The following SBNO1 variants were observed in gnomAD, a reference collection of about 807,000 sequenced individuals.
SBNO1 encodes protein strawberry notch homolog 1.
SBNO1 carries 23 observed loss-of-function variants against 173.6 expected under a neutral mutation model. That is an observed-to-expected ratio of 0.13 (90% confidence interval 0.10 to 0.19). The LOEUF (loss-of-function observed/expected upper bound fraction) is 0.19. Ranked by LOEUF, SBNO1 falls within the 10% of genes least tolerant of loss-of-function variation. The probability of loss-of-function intolerance (pLI) is 1.00; values close to 1 mark genes in which losing one functional copy is unlikely to be tolerated. For synonymous variants in SBNO1, 632 were observed against 571.5 expected (o/e 1.11, Z -1.51); for missense variants, 1,238 against 1,671.2 (o/e 0.74, Z 4.52).
intron 26 of SBNO1, 26 bp downstream of exon 26, chr12:123,309,684 G>T: frequency 6.2e-7 from 1 of 1,609,918 alleles, no homozygotes; most frequent in Non-Finnish European, 8.5e-7. Flanking sequence ...TGGGGACATT[G>T]TGGGGGGGAA....
chr12:123,311,264 A>G, intron 24 of SBNO1, 135 bp from the exon 25 acceptor site: 1 of 656,044 alleles, frequency 1.5e-6, no homozygotes, highest in Non-Finnish European at 2.7e-6. Context: ...AAACATGGAG[A>G]AAATGTGGAG....
rs1181394003 is a variant in SBNO1, at chr12:123,326,093, C to T, written c.1875+59G>A. 40 of 1,181,748 alleles carry T rather than the reference C, an allele frequency of 3.4e-5. 1 individual carries two copies. The highest frequency in any genetic ancestry group is 5.8e-5 in the African/African-American group (3 of 51,744). The allele number at this position is 1,181,748 out of a possible 1,614,324, so 73.2% of individuals were successfully genotyped here. ...ATTTTACAAGCAGAAAACCTCAGCA[C>T]CCACAAAGACTAAACAACATAACCC... On this transcript the variant is annotated intron_variant, in intron 14 of 31. Transcript: ENST00000602398.
Position 123,345,578 on chromosome 12 carries a change from G to A in SBNO1, c.238-8C>T, listed in dbSNP as rs1404509379. 1.9e-6 allele frequency: 3 copies of A among 1,601,922 alleles called. No homozygotes were observed. In the African/African-American group the frequency reaches 4.1e-5, roughly 22 times the overall value. ...AGTAGATGGAGGCTGCTGCTAGATAGAAAACAAAAAACACACCACTGAAAA... is the reference window on the plus strand; with the variant it reads ...AGTAGATGGAGGCTGCTGCTAGATAAAAAACAAAAAACACACCACTGAAAA... On this transcript the variant is annotated splice_polypyrimidine_tract_variant and splice_region_variant and intron_variant, in intron 3 of 31. Coordinates refer to ENST00000602398, the MANE Select transcript of SBNO1 (RefSeq NM_001167856.3).
chr12:123,318,704 C>A (rs986495564), intron 20 of SBNO1, among the ~76,000 whole-genome samples: 1 of 147,642 alleles, frequency 6.8e-6, no homozygotes, highest in Non-Finnish European at 1.5e-5. Context: ...CTGCACTGCA[C>A]TCCAGCCTGG....
chr12:123,297,424 T>TAAAAAAAAAAAAAAAAAA, intron 31 of SBNO1, among the ~76,000 whole-genome samples: 1 of 24,144 alleles, frequency 4.1e-5, no homozygotes. Context: ...AAAAAAAAAT[T>TAAAAAAAAAAAAAAAAAA]CCATAGACTG....
intron 5 of SBNO1, among the ~76,000 whole-genome samples, chr12:123,338,888 ACCC>A (rs1566045499): frequency 3.2e-3 from 8 of 2,470 alleles, no homozygotes; most frequent in African/African-American, 0.014. Context: ...ACACACACAC[ACCC>A]CGACACACAC....
At chr12:123,353,702 G>A (rs1874134237) in intron 1 of SBNO1, among the ~76,000 whole-genome samples, 1 of 152,072 alleles carries the variant, frequency 6.6e-6, no homozygotes, top group Non-Finnish European at 1.5e-5. Flanking sequence ...AGTACCTAGA[G>A]CTCTAAATCA....
chr12:123,311,059 A>C lies in SBNO1; in HGVS notation c.3291T>G (p.Asp1097Glu). The C allele has an allele frequency of 6.2e-7, 1 of 1,608,748 alleles. No homozygotes were observed. The highest frequency in any genetic ancestry group is 8.5e-7 in the Non-Finnish European group (1 of 1,175,224). Residue 1097 changes from aspartate to glutamate, a missense_variant, in exon 25 of 32, where the codon GAT (aspartate) becomes GAG (glutamate). By Grantham distance (45) the Asp-to-Glu change is conservative (BLOSUM62 2). Around this residue, in one of 14 missense-constraint regions of SBNO1, gnomAD observed 351 missense variants for 420.3 expected, o/e 0.84. Coordinates refer to ENST00000602398, the MANE Select transcript of SBNO1 (RefSeq NM_001167856.3). ...VEDRSGILTL[D>E]KDYNNIGKFL... ...ACACAAAGCTAATAGTAGTACCTTT[A>C]TCGAGAGTAAGAATTCCCGAGCGAT...
Position 123,336,484 on chromosome 12 carries a change from G to A in SBNO1, c.659C>T (p.Pro220Leu). The change falls in exon 6 of 32, where the codon CCT becomes CTT. Residue 220 changes from proline (P) to leucine (L), a missense_variant. This residue lies in a region of SBNO1 where 287 missense variants were observed against 274.1 expected (regional missense o/e 1.05). Transcript: ENST00000602398. ...TGGTTCATCATCTTCTTTTACAACAGGAACCTTCTGCAACACAGAAAGAGC... is the reference window on the plus strand; with the variant it reads ...TGGTTCATCATCTTCTTTTACAACAAGAACCTTCTGCAACACAGAAAGAGC... ...MRSFSPTMKV[P>L]VVKEDDEPEE... The A allele has an allele frequency of 6.2e-7, 1 of 1,608,218 alleles. No individual in the cohort carries two copies. Among genetic ancestry groups the A allele is most frequent in the Non-Finnish European group, 8.5e-7 (1 of 1,176,416 alleles).
Position 123,296,553 on chromosome 12 carries a change from G to C in SBNO1, c.4040-503C>G, listed in dbSNP as rs112372969. Among the ~76,000 whole-genome samples the C allele has an allele frequency of 8.6e-3, 907 of 105,442 alleles. 12 individuals carry two copies. Among genetic ancestry groups the C allele is most frequent in the African/African-American group, 0.022 (863 of 39,090 alleles). The allele number at this position is 105,442 out of a possible 152,430, so 69.2% of individuals were successfully genotyped here. ...AGATAAATTGCATGCATATATATAT[G>C]TGTTTTTTTTTTTGTTTTTTTTTTC... On this transcript the variant is annotated intron_variant, in intron 31 of 31. Transcript: ENST00000602398.
chr12:123,297,329 CAAAAAA>C (rs11427958), intron 31 of SBNO1, among the ~76,000 whole-genome samples: 1 of 32,048 alleles, frequency 3.1e-5, no homozygotes, highest in Non-Finnish European at 6.3e-5. Flanking sequence ...GACTCAGTCT[CAAAAAA>C]AAAAAAAAAA....
At position 123,327,754 on chromosome 12, in the gene SBNO1, A is replaced by G. The variant is rs892614581; in HGVS notation, c.1491T>C (p.Gly497=). Residue 497 remains glycine, a synonymous_variant, in exon 12 of 32, where the codon GGT becomes GGC. Coordinates refer to ENST00000602398, the MANE Select transcript of SBNO1 (RefSeq NM_001167856.3). Reference sequence around the variant, plus strand: ...AATCACTGAATTCTCTAAATGGAGTACCCTCACCCCATATGCCAAGACGGT... The same window carrying G: ...AATCACTGAATTCTCTAAATGGAGTGCCCTCACCCCATATGCCAAGACGGT... ...YMNRLGIWGE[G]TPFREFSDFI... 8 of 1,613,754 alleles carry G rather than the reference A, an allele frequency of 5.0e-6. No individual in the cohort carries two copies. The highest frequency in any genetic ancestry group is 6.8e-6 in the Non-Finnish European group (8 of 1,179,914).
chr12:123,297,781 A>G (rs1224888021), intron 31 of SBNO1, among the ~76,000 whole-genome samples, 197 bp downstream of exon 31: 1 of 152,174 alleles, frequency 6.6e-6, no homozygotes. Context: ...CCACATCATA[A>G]CTTCAACCAG....
chr12:123,295,727 T>A lies in SBNO1; in HGVS notation c.*181A>T. ...TAAAGGAAAGACATATGTACCACCA[T>A]CAGCACTGCTGATTTTCAGTTTTGC... On this transcript the variant is annotated 3_prime_UTR_variant, in exon 32 of 32. Coordinates refer to ENST00000602398, the MANE Select transcript of SBNO1 (RefSeq NM_001167856.3). The A allele has an allele frequency of 2.9e-6, 2 of 691,606 alleles. No homozygotes were observed. The highest frequency in any genetic ancestry group is 3.8e-5 in the South Asian group (2 of 52,106). The allele number at this position is 691,606 out of a possible 1,614,324, so 42.8% of individuals were successfully genotyped here. A position where few individuals can be genotyped will look rare whatever the true frequency, so the allele number is the denominator to read the frequency against.
intron 31 of SBNO1, 33 bp downstream of exon 31, chr12:123,297,945 T>A (rs1357866270): frequency 6.2e-7 from 1 of 1,600,472 alleles, no homozygotes; most frequent in Non-Finnish European, 8.5e-7. Context: ...GATTTTTTCC[T>A]GCAACTCAAA....
chr12:123,325,448 A>C, intron 15 of SBNO1, 54 bp downstream of exon 15: 2 of 1,258,754 alleles, frequency 1.6e-6, no homozygotes, highest in Non-Finnish European at 2.3e-6. Flanking sequence ...ATTGGAACTA[A>C]GGTAAGGAAG....
At chr12:123,350,477 CAA>C (rs777543194) in intron 1 of SBNO1, 36 bp from the exon 2 acceptor site, 9 of 1,502,926 alleles carry the variant, frequency 6.0e-6, no homozygotes, top group Non-Finnish European at 7.4e-6. Flanking sequence ...ACATAAAAAA[CAA>C]AAAGTGACAA....
intron 7 of SBNO1, among the ~76,000 whole-genome samples, chr12:123,331,597 C>T (rs1247190837): frequency 6.6e-6 from 1 of 152,114 alleles, no homozygotes; most frequent in Non-Finnish European, 1.5e-5. Context: ...TCTTGGCTCA[C>T]TGCAATCTCT....
intron 7 of SBNO1, among the ~76,000 whole-genome samples, chr12:123,331,921 C>T (rs956691792): frequency 3.3e-5 from 5 of 152,006 alleles, no homozygotes; most frequent in Non-Finnish European, 7.4e-5. Flanking sequence ...GGCACAATCT[C>T]GGCTCACTGC....
Sources: allele counts gnomAD v4.1 joint callset (sites outside exome capture counted in the v4.1 genomes callset), GRCh38; gene constraint gnomAD v4.1.1; regional missense constraint gnomAD v4.1.1; transcripts MANE v1.5; gene names NCBI Gene and HGNC (gene_info 2026-07-23, HGNC 2026-07-21).